The following ALK variants were observed in gnomAD, a reference collection of about 807,000 sequenced individuals.
The protein encoded by ALK is ALK tyrosine kinase receptor.
Under a neutral mutation model 163.1 loss-of-function variants are expected in ALK, and 74 were observed. The ratio of observed to expected loss-of-function variants is 0.45; its 90% CI spans 0.38 to 0.55. The LOEUF is 0.55. Ranked by LOEUF, ALK falls within the 20% of genes least tolerant of loss-of-function variation. The probability of loss-of-function intolerance (pLI) is 0.00; values close to 1 mark genes in which losing one functional copy is unlikely to be tolerated. For missense variants in ALK, 2,063 were observed against 2,105.3 expected (o/e 0.98, Z 0.39); for synonymous variants, 960 against 843.2 (o/e 1.14, Z -2.40).
chr2:29,216,955 G>C (rs200315841), intron 23 of ALK, among the ~76,000 whole-genome samples: 1 of 37,410 alleles, frequency 2.7e-5, no homozygotes, highest in African/African-American at 6.0e-5. Context: ...GGCATGTGAT[G>C]TGTGTGTGGT....
intron 8 of ALK, among the ~76,000 whole-genome samples, chr2:29,299,030 A>G (rs897357646): frequency 2.6e-5 from 4 of 152,170 alleles, no homozygotes; most frequent in African/African-American, 7.2e-5. Context: ...CCCCATTCAG[A>G]TGCTCACATC....
At position 29,275,225 on chromosome 2, in the gene ALK, T is replaced by C. The variant is rs1573183673; in HGVS notation, c.1915A>G (p.Ser639Gly). The C allele has an allele frequency of 6.2e-7, 1 of 1,614,016 alleles. No homozygotes were observed. The highest frequency in any genetic ancestry group is 1.7e-5 in the Admixed American group (1 of 60,006). Residue 639 changes from serine (S) to glycine (G), a missense_variant and splice_region_variant, in exon 11 of 29, where the codon AGC (serine) becomes GGC (glycine). Around this residue, in one of 5 missense-constraint regions of ALK, gnomAD observed 987 missense variants for 939.5 expected, o/e 1.05. Transcript: ENST00000389048. ...TTCTGCAGGATCTTGTCCTCTCCGC[T>C]AACTGCAATAGAGAAGACCCCACGG... ...SISLDCYLTI[S>G]GEDKILQNTA...
chr2:29,424,491 T>G (rs1466902189), intron 4 of ALK, among the ~76,000 whole-genome samples: 4 of 152,212 alleles, frequency 2.6e-5, no homozygotes, highest in Non-Finnish European at 5.9e-5. Flanking sequence ...AAGTTGTTCT[T>G]GTATATTATG....
At chr2:29,506,560 CA>C (rs1473458894) in intron 4 of ALK, among the ~76,000 whole-genome samples, 2 of 152,106 alleles carry the variant, frequency 1.3e-5, no homozygotes, top group Non-Finnish European at 2.9e-5. Context: ...TCCTGGCCAA[CA>C]CGGTGAAACC....
intron 1 of ALK, among the ~76,000 whole-genome samples, chr2:29,747,320 CATATTCAA>C (rs1270819011): frequency 2.0e-5 from 3 of 152,214 alleles, no homozygotes; most frequent in African/African-American, 7.2e-5. Context: ...AGATCATTTT[CATATTCAA>C]ATCTAAAAAC....
chr2:29,653,385 A>C (rs557743668), intron 3 of ALK, among the ~76,000 whole-genome samples: 4 of 152,244 alleles, frequency 2.6e-5, no homozygotes, highest in Admixed American at 1.3e-4. Flanking sequence ...CTTTAGGTAC[A>C]TCACATCTTG....
intron 25 of ALK, chr2:29,207,987 C>T (rs929442119): frequency 6.7e-5 from 29 of 434,372 alleles, no homozygotes; most frequent in South Asian, 4.0e-4. Flanking sequence ...TGCCAGCTGT[C>T]GACATTAATT....
intron 2 of ALK, among the ~76,000 whole-genome samples, chr2:29,695,855 G>T (rs1001961213): frequency 6.6e-6 from 1 of 152,100 alleles, no homozygotes; most frequent in African/African-American, 2.4e-5. Context: ...CATTAAAAAG[G>T]AAACAGATGC....
chr2:29,825,710 T>C (rs937952837), intron 1 of ALK, among the ~76,000 whole-genome samples: 1 of 121,306 alleles, frequency 8.2e-6, no homozygotes, highest in African/African-American at 2.6e-5. Flanking sequence ...GATCATTTTG[T>C]GTGTTTTTTT....
At position 29,865,352 on chromosome 2, in the gene ALK, T is replaced by G. The variant is rs79760990; in HGVS notation, c.667+54641A>C. On this transcript the variant is annotated intron_variant, in intron 1 of 28. Transcript: ENST00000389048. ...CAGAGCCCAAGAACAGGCAAGGAGC[T>G]GGGTCCCCAGAGCACACTGAAGCCT... 9.3e-3 allele frequency among the ~76,000 whole-genome samples: 1,423 copies of G among 152,318 alleles called. 30 individuals carry two copies. The highest frequency in any genetic ancestry group is 0.033 in the African/African-American group (1,355 of 41,570).
chr2:29,368,007 TCAA>T (rs1668548162), intron 5 of ALK, among the ~76,000 whole-genome samples: 1 of 152,246 alleles, frequency 6.6e-6, no homozygotes, highest in Non-Finnish European at 1.5e-5. Flanking sequence ...ATTCACTCTT[TCAA>T]CATTTTACAA....
At chr2:29,423,965 G>A (rs1374757298) in intron 4 of ALK, among the ~76,000 whole-genome samples, 1 of 152,138 alleles carries the variant, frequency 6.6e-6, no homozygotes, top group African/African-American at 2.4e-5. Context: ...TATCCCTAGA[G>A]GTAGCCATTG....
chr2:29,502,208 C>T (rs763435345), intron 4 of ALK, among the ~76,000 whole-genome samples: 13 of 152,270 alleles, frequency 8.5e-5, no homozygotes, highest in Middle Eastern at 6.8e-3. Flanking sequence ...CCCTTAGTAA[C>T]GAATTTGAGT....
At chr2:29,695,111 C>T (rs1678516685) in intron 2 of ALK, 97 bp from the exon 3 acceptor site, 1 of 1,396,904 alleles carries the variant, frequency 7.2e-7, no homozygotes, top group South Asian at 1.2e-5. Flanking sequence ...CTTCATCTCC[C>T]CACATCCTTT....
At chr2:29,195,771 C>T (rs1187282825) in intron 28 of ALK, among the ~76,000 whole-genome samples, 4 of 152,152 alleles carry the variant, frequency 2.6e-5, no homozygotes, top group Non-Finnish European at 5.9e-5. Context: ...ATTGACTCTT[C>T]TAAAATATTC....
chr2:29,596,653 T>A (rs1483542254), intron 3 of ALK, among the ~76,000 whole-genome samples: 1 of 152,106 alleles, frequency 6.6e-6, no homozygotes, highest in Non-Finnish European at 1.5e-5. Flanking sequence ...ATTTATGACT[T>A]GATCATAAAA....
At chr2:29,679,346 A>G (rs1457939979) in intron 3 of ALK, among the ~76,000 whole-genome samples, 1 of 151,228 alleles carries the variant, frequency 6.6e-6, no homozygotes, top group African/African-American at 2.4e-5. Context: ...GTTCCTCTGT[A>G]TCTTTCTTCC....
chr2:29,914,611 C>T (rs770004673), intron 1 of ALK, among the ~76,000 whole-genome samples: 5 of 152,374 alleles, frequency 3.3e-5, no homozygotes, highest in Non-Finnish European at 5.9e-5. Context: ...ACACCTTGAA[C>T]TATTACTATC....
At chr2:29,537,409 G>A (rs540320901) in intron 3 of ALK, among the ~76,000 whole-genome samples, 5 of 152,304 alleles carry the variant, frequency 3.3e-5, no homozygotes, top group East Asian at 3.9e-4. Context: ...GCCCAGGTAC[G>A]GCTCCAGACA....
Sources: allele counts gnomAD v4.1 joint callset (sites outside exome capture counted in the v4.1 genomes callset), GRCh38; gene constraint gnomAD v4.1.1; regional missense constraint gnomAD v4.1.1; transcripts MANE v1.5; gene names NCBI Gene and HGNC (gene_info 2026-07-23, HGNC 2026-07-21).